Variants in SUCO observed in about 807,000 individuals in gnomAD.
SUCO encodes the protein SUN domain-containing ossification factor.
SUCO carries 57 observed loss-of-function variants against 148.1 expected under a neutral mutation model. The observed-to-expected ratio is 0.38, with a 90% CI of 0.31 to 0.48. The LOEUF is 0.48. SUCO is among the 20% of genes least tolerant of loss of function. The probability of loss-of-function intolerance (pLI) is 0.96; values close to 1 mark genes in which losing one functional copy is unlikely to be tolerated. For synonymous variants in SUCO, 470 were observed against 502.7 expected (o/e 0.93, Z 0.87); for missense variants, 1,331 against 1,468.2 (o/e 0.91, Z 1.53).
chr1:172,589,202 G>A lies in SUCO; in HGVS notation c.2101G>A (p.Asp701Asn), dbSNP rs1447767028. The A allele has an allele frequency of 1.9e-6, 3 of 1,613,904 alleles. No homozygotes were observed. Among genetic ancestry groups the A allele is most frequent in the Non-Finnish European group, 2.5e-6 (3 of 1,179,934 alleles). ...EREAETVVLG[D>N]LSSSMHQDDL... is the part of the protein sequence containing the mutation. The stretch of plus-strand genomic sequence containing the variant: ...GGAAGCTGAAACTGTTGTTCTGGGT[G>A]ATTTAAGTAGTAGTATGCACCAGGA... Residue 701 changes from aspartate (D) to asparagine (N), a missense_variant, in exon 18 of 24, where the codon GAT (aspartate) becomes AAT (asparagine). Physicochemically the swap from Asp to Asn is conservative, Grantham distance 23. This residue lies in a region of SUCO where 992 missense variants were observed against 1,093.5 expected (regional missense o/e 0.91). Transcript: ENST00000263688.
intron 1 of SUCO, among the ~76,000 whole-genome samples, chr1:172,542,466 G>A (rs1227731676): frequency 6.6e-6 from 1 of 152,162 alleles, no homozygotes; most frequent in Admixed American, 6.5e-5. Flanking sequence ...GTACTGCTCC[G>A]TGGTCTGTTA....
intron 3 of SUCO, 98 bp from the exon 4 acceptor site, chr1:172,555,771 G>C: frequency 1.0e-6 from 1 of 970,518 alleles, no homozygotes; most frequent in Non-Finnish European, 1.4e-6. Context: ...TGTTTATATT[G>C]TCATTTTTCA....
chr1:172,535,196 G>C (rs909053770), intron 1 of SUCO, among the ~76,000 whole-genome samples: 1 of 152,188 alleles, frequency 6.6e-6, no homozygotes, highest in African/African-American at 2.4e-5. Flanking sequence ...GAAAGTAGTA[G>C]TAATAAACTT....
At chr1:172,538,321 T>A (rs1413349694) in intron 1 of SUCO, among the ~76,000 whole-genome samples, 1 of 152,184 alleles carries the variant, frequency 6.6e-6, no homozygotes, top group Non-Finnish European at 1.5e-5. Flanking sequence ...TTTATCAGTT[T>A]AAGAGGTTTA....
At chr1:172,594,241 ATT>A (rs201134091) in intron 19 of SUCO, among the ~76,000 whole-genome samples, 11 of 144,976 alleles carry the variant, frequency 7.6e-5, no homozygotes, top group South Asian at 4.3e-4. Flanking sequence ...GAATTTATTG[ATT>A]TTTTTTTTTT....
At chr1:172,570,208 A>G (rs1412537835) in intron 8 of SUCO, 37 bp downstream of exon 8, 2 of 1,289,850 alleles carry the variant, frequency 1.6e-6, no homozygotes, top group Non-Finnish European at 2.1e-6. Flanking sequence ...ATATATAGGA[A>G]ATTAACGACT....
At chr1:172,545,882 TTCCGTCCTTCTG>T (rs909537805) in intron 1 of SUCO, among the ~76,000 whole-genome samples, 2 of 152,308 alleles carry the variant, frequency 1.3e-5, no homozygotes, top group Admixed American at 1.3e-4. Context: ...CCTGCCTGCC[TTCCGTCCTTCTG>T]TCCGTCCGTC....
At chr1:172,572,696 T>TTAA (rs766025462) in intron 9 of SUCO, among the ~76,000 whole-genome samples, 1 of 49,606 alleles carries the variant, frequency 2.0e-5, no homozygotes, top group Admixed American at 3.1e-4. Flanking sequence ...GAATGATCAA[T>TTAA]AAAAAAAAAA....
chr1:172,545,260 A>C (rs1018039357), intron 1 of SUCO, among the ~76,000 whole-genome samples: 1 of 152,204 alleles, frequency 6.6e-6, no homozygotes, highest in Non-Finnish European at 1.5e-5. Context: ...TTTATCCTCA[A>C]CATTAAGGTA....
intron 1 of SUCO, chr1:172,550,726 G>A (rs891883933): frequency 1.1e-5 from 2 of 180,238 alleles, no homozygotes; most frequent in Non-Finnish European, 2.1e-5. Flanking sequence ...TATTACATAT[G>A]TATTTTCCAT....
chr1:172,556,114 A>G, intron 4 of SUCO, 91 bp downstream of exon 4: 1 of 1,021,696 alleles, frequency 9.8e-7, no homozygotes, highest in Non-Finnish European at 1.4e-6. Context: ...TTGATACTCA[A>G]GTTTGAAGTT....
intron 23 of SUCO, chr1:172,609,244 A>C: frequency 3.0e-6 from 3 of 984,818 alleles, no homozygotes; most frequent in Middle Eastern, 5.2e-4. Flanking sequence ...AAAAACAGCA[A>C]CTCAGAATGT....
chr1:172,547,143 T>C (rs757105454), intron 1 of SUCO, among the ~76,000 whole-genome samples: 38 of 152,260 alleles, frequency 2.5e-4, no homozygotes, highest in Non-Finnish European at 4.4e-4. Context: ...AATGGAGTTA[T>C]ACAGTATTAG....
At chr1:172,578,499 G>T in intron 14 of SUCO, 110 bp downstream of exon 14, 2 of 1,381,328 alleles carry the variant, frequency 1.4e-6, no homozygotes, top group Non-Finnish European at 1.9e-6. Context: ...GTTGTCTTCA[G>T]GCTTTTGTTT....
chr1:172,535,016 C>A (rs1358892815), intron 1 of SUCO, among the ~76,000 whole-genome samples: 2 of 152,110 alleles, frequency 1.3e-5, no homozygotes, highest in Non-Finnish European at 2.9e-5. Flanking sequence ...GAATGTGATT[C>A]TTACAATCAT....
intron 3 of SUCO, 111 bp from the exon 4 acceptor site, chr1:172,555,758 C>A: frequency 1.2e-6 from 1 of 851,358 alleles, no homozygotes; most frequent in Non-Finnish European, 1.7e-6. Flanking sequence ...TTTTAGTGAA[C>A]ATTGTTTATA....
rs111347204 is a variant in SUCO, at chr1:172,570,183, A to G, written c.981+12A>G. 1 of 1,542,898 alleles carries G rather than the reference A, an allele frequency of 6.5e-7. No homozygotes were observed. ...ATCCAGAAGCCAAGGTAGGTGTTTA[A>G]ATATAAAATTTTGTATATATAGGAA... On this transcript the variant is annotated intron_variant, in intron 8 of 23. Coordinates refer to ENST00000263688, the MANE Select transcript of SUCO (RefSeq NM_014283.5).
At chr1:172,539,114 C>G (rs1224468663) in intron 1 of SUCO, among the ~76,000 whole-genome samples, 1 of 152,168 alleles carries the variant, frequency 6.6e-6, no homozygotes, top group African/African-American at 2.4e-5. Flanking sequence ...ATCACTCTTT[C>G]ACTTTTCTCA....
intron 3 of SUCO, among the ~76,000 whole-genome samples, chr1:172,553,700 T>G (rs1653488229): frequency 6.6e-6 from 1 of 152,170 alleles, no homozygotes. Context: ...CTGAATCACT[T>G]GGAACAAAAG....
Sources: gnomAD v4.1 joint callset for allele counts (sites outside exome capture counted in the v4.1 genomes callset) on GRCh38, gnomAD v4.1.1 for gene constraint, gnomAD v4.1.1 regional missense constraint, MANE v1.5 for transcripts, NCBI Gene and HGNC (gene_info 2026-07-23, HGNC 2026-07-21) for gene names.